AFF3: variants seen among roughly 807,000 people sequenced by gnomAD.
AFF3 encodes the protein ALF transcription elongation factor 3.
Under a neutral mutation model 129.7 loss-of-function variants are expected in AFF3, and 32 were observed. That is an observed-to-expected ratio of 0.25 (90% CI 0.19 to 0.33). The LOEUF (loss-of-function observed/expected upper bound fraction) is 0.33, where lower values mean the gene tolerates loss of function less well. Ranked by LOEUF, AFF3 falls within the 10% of genes least tolerant of loss-of-function variation. The pLI, the probability that AFF3 is intolerant of heterozygous loss-of-function variation, is 1.00. For missense variants in AFF3, 1,373 were observed against 1,592.0 expected (o/e 0.86, Z 2.34); for synonymous variants, 644 against 635.4 (o/e 1.01, Z -0.20).
chr2:99,696,981 C>T (rs1676346877), intron 11 of AFF3, among the ~76,000 whole-genome samples: 1 of 152,148 alleles, frequency 6.6e-6, no homozygotes, highest in African/African-American at 2.4e-5. Flanking sequence ...CAGGGACCTG[C>T]CAGCCTTGCA....
chr2:99,700,207 G>A (rs1676715566), intron 11 of AFF3, among the ~76,000 whole-genome samples: 1 of 151,420 alleles, frequency 6.6e-6, no homozygotes, highest in Admixed American at 6.6e-5. Flanking sequence ...TGCAACCTCC[G>A]CCTGCCGGGT....
chr2:99,857,460 G>A (rs1159872002), intron 7 of AFF3, among the ~76,000 whole-genome samples: 4 of 152,176 alleles, frequency 2.6e-5, no homozygotes, highest in Non-Finnish European at 5.9e-5. Context: ...TAACTACAGG[G>A]CTGTTTATTT....
At chr2:99,952,549 G>A (rs1236752471) in intron 7 of AFF3, among the ~76,000 whole-genome samples, 1 of 152,010 alleles carries the variant, frequency 6.6e-6, no homozygotes, top group Non-Finnish European at 1.5e-5. Flanking sequence ...CCCATGACTC[G>A]CTTTTCTTCC....
In AFF3 at chr2:99,932,892, C is replaced by G. The variant is rs190937907; in HGVS notation, c.873+73740G>C. Among the ~76,000 whole-genome samples, 140 of 152,236 alleles carry G rather than the reference C, an allele frequency of 9.2e-4. 2 individuals carry two copies. The highest frequency in any genetic ancestry group is 2.9e-4 in the Non-Finnish European group (20 of 68,030). On this transcript the variant is annotated intron_variant, in intron 7 of 24. Transcript: ENST00000672756. ...AACTTTTTTGTTGTGCTACATAGAT[C>G]TTCTTGTTCTATTCCAGATCATAAT...
At chr2:99,684,586 C>T (rs1674859304) in intron 11 of AFF3, among the ~76,000 whole-genome samples, 2 of 151,884 alleles carry the variant, frequency 1.3e-5, no homozygotes, top group African/African-American at 2.4e-5. Context: ...GGTAGATGAT[C>T]CTCACACTAA....
chr2:99,802,955 C>T (rs1686064383), intron 8 of AFF3, among the ~76,000 whole-genome samples: 1 of 152,072 alleles, frequency 6.6e-6, no homozygotes. Context: ...TTAGTTCCTT[C>T]TCTTGCTTGA....
intron 13 of AFF3, among the ~76,000 whole-genome samples, chr2:99,633,636 C>T (rs183262044): frequency 3.9e-4 from 60 of 152,202 alleles, no homozygotes; most frequent in African/African-American, 9.1e-4. Context: ...ATGAAAGGCT[C>T]GGTGCCGTCC....
At chr2:99,704,871 G>C (rs190012350) in intron 11 of AFF3, among the ~76,000 whole-genome samples, 2 of 152,272 alleles carry the variant, frequency 1.3e-5, no homozygotes, top group Admixed American at 1.3e-4. Context: ...AAAACTCTTA[G>C]CAGAAGGATT....
At chr2:99,840,288 G>A (rs747150597) in intron 7 of AFF3, among the ~76,000 whole-genome samples, 25 of 152,100 alleles carry the variant, frequency 1.6e-4, no homozygotes, top group Non-Finnish European at 3.2e-4. Flanking sequence ...TTTCTTTCAA[G>A]AGTTTTACAG....
At chr2:99,585,090 A>G (rs1228966503) in intron 16 of AFF3, among the ~76,000 whole-genome samples, 2 of 152,232 alleles carry the variant, frequency 1.3e-5, no homozygotes, top group Non-Finnish European at 2.9e-5. Flanking sequence ...TTGCTCATCT[A>G]GTGATGGCTA....
At chr2:100,010,523 T>C (rs1408875068) in intron 4 of AFF3, among the ~76,000 whole-genome samples, 1 of 152,198 alleles carries the variant, frequency 6.6e-6, no homozygotes, top group East Asian at 1.9e-4. Flanking sequence ...TGGAGCCTAT[T>C]AGCATTTTAA....
chr2:99,757,201 T>C (rs1016337401), intron 8 of AFF3, among the ~76,000 whole-genome samples: 1 of 152,246 alleles, frequency 6.6e-6, no homozygotes, highest in African/African-American at 2.4e-5. Context: ...CCATGTGGTA[T>C]GCTGGTGATG....
At chr2:99,575,369 C>T (rs897572582) in intron 18 of AFF3, among the ~76,000 whole-genome samples, 1 of 151,620 alleles carries the variant, frequency 6.6e-6, no homozygotes, top group Non-Finnish European at 1.5e-5. Context: ...AAGTGATTCT[C>T]CTGCCTCAGC....
At position 100,096,065 on chromosome 2, in the gene AFF3, C is replaced by T. The variant is rs940581392; in HGVS notation, c.53+8337G>A. Among the ~76,000 whole-genome samples the T allele has an allele frequency of 5.3e-4, 80 of 151,898 alleles. No homozygotes were observed. The East Asian group carries it at 0.015, about 28-fold the overall frequency. ...GTGCAATAATTCTGCAAATAGCTGA[C>T]CCCACCCCCAACACTCCCATCCCCC... On this transcript the variant is annotated intron_variant, in intron 4 of 24. Transcript: ENST00000672756.
At chr2:99,618,224 CTTTTTTTTTTTTTT>C (rs70940180) in intron 13 of AFF3, among the ~76,000 whole-genome samples, 20,758 of 80,322 alleles carry the variant, frequency 0.26, 2,029 homozygotes, top group South Asian at 0.38. Flanking sequence ...TCATAACATT[CTTTTTTTTTTTTTT>C]TTTTTTTTTT....
At chr2:99,914,281 T>C (rs1420382737) in intron 7 of AFF3, among the ~76,000 whole-genome samples, 1 of 152,172 alleles carries the variant, frequency 6.6e-6, no homozygotes, top group Non-Finnish European at 1.5e-5. Flanking sequence ...CTAATCATGA[T>C]AAAATATTAA....
At chr2:99,939,091 T>G (rs1249718289) in intron 7 of AFF3, among the ~76,000 whole-genome samples, 1 of 152,218 alleles carries the variant, frequency 6.6e-6, no homozygotes, top group African/African-American at 2.4e-5. Context: ...GTCTGACATA[T>G]CCTATTAATC....
chr2:99,839,201 C>T (rs1296526130), intron 7 of AFF3, among the ~76,000 whole-genome samples: 2 of 152,086 alleles, frequency 1.3e-5, no homozygotes, highest in African/African-American at 4.8e-5. Context: ...CCTCTACCTC[C>T]TGGGTTCAGG....
chr2:100,036,528 CAAGA>C (rs1414700683), intron 4 of AFF3, among the ~76,000 whole-genome samples: 2 of 151,392 alleles, frequency 1.3e-5, no homozygotes, highest in African/African-American at 4.9e-5. Context: ...CATTAAAAAA[CAAGA>C]AAGAAAGGCA....
Sources: allele counts gnomAD v4.1 joint callset (sites outside exome capture counted in the v4.1 genomes callset), GRCh38; gene constraint gnomAD v4.1.1; transcripts MANE v1.5; gene names NCBI Gene and HGNC (gene_info 2026-07-23, HGNC 2026-07-21).